Variants in CDH19 observed in about 807,000 individuals in gnomAD.
CDH19 encodes cadherin-19.
A neutral mutation model predicts 64.2 loss-of-function variants in CDH19; 67 were observed. That is an observed-to-expected ratio of 1.04 (90% CI 0.86 to 1.28). The LOEUF (loss-of-function observed/expected upper bound fraction) is 1.28. Ranked by LOEUF, CDH19 falls within the 50% of genes most tolerant of loss-of-function variation. The probability of loss-of-function intolerance (pLI) is 0.00; values close to 1 mark genes in which losing one functional copy is unlikely to be tolerated. For missense variants in CDH19, 1,030 were observed against 929.0 expected (o/e 1.11, Z -1.41); for synonymous variants, 346 against 319.3 (o/e 1.08, Z -0.89).
intron 9 of CDH19, among the ~76,000 whole-genome samples, chr18:66,525,509 A>G (rs993850536): frequency 6.6e-6 from 1 of 152,114 alleles, no homozygotes; most frequent in Non-Finnish European, 1.5e-5. Flanking sequence ...TGTATTAACA[A>G]AAACCTACCC....
intron 1 of CDH19, among the ~76,000 whole-genome samples, chr18:66,574,214 T>A (rs1200472965): frequency 1.3e-5 from 2 of 151,638 alleles, no homozygotes; most frequent in Non-Finnish European, 3.0e-5. Context: ...ATCACTGTTG[T>A]GTGATTCAGT....
intron 5 of CDH19, among the ~76,000 whole-genome samples, chr18:66,548,645 T>C (rs939697301): frequency 5.9e-5 from 9 of 152,272 alleles, no homozygotes; most frequent in African/African-American, 2.2e-4. Flanking sequence ...TGACACTGCA[T>C]TCCACTTAGG....
chr18:66,522,695 A>G (rs1381360794), intron 9 of CDH19, among the ~76,000 whole-genome samples: 3 of 151,116 alleles, frequency 2.0e-5, no homozygotes, highest in Admixed American at 2.0e-4. Flanking sequence ...TTACTTTTTA[A>G]TATGTTTCAT....
chr18:66,523,488 C>A (rs1226854448), intron 9 of CDH19, among the ~76,000 whole-genome samples: 1 of 152,024 alleles, frequency 6.6e-6, no homozygotes, highest in Non-Finnish European at 1.5e-5. Context: ...CACATTCTAA[C>A]CCACATTCTT....
At position 66,572,064 on chromosome 18, in the gene CDH19, C is replaced by G. The variant is rs149175877; in HGVS notation, c.141G>C (p.Trp47Cys). ...TTTCCTCTGGTACAAAAAATTGGTTCCACACCCAGCCACGCTTCACTCTCA... is the reference window on the plus strand; with the variant it reads ...TTTCCTCTGGTACAAAAAATTGGTTGCACACCCAGCCACGCTTCACTCTCA... The part of the protein sequence containing the change: ...SHLRVKRGWV[W>C]NQFFVPEEMN... Residue 47 changes from tryptophan to cysteine, a missense_variant, in exon 2 of 12, where the codon TGG becomes TGC. Physicochemically the swap from Trp to Cys is radical, Grantham distance 215. Transcript: ENST00000262150. 5.8e-4 allele frequency: 928 copies of G among 1,611,398 alleles called. No individual in the cohort carries two copies. Among genetic ancestry groups the G allele is most frequent in the Admixed American group, 7.4e-4 (44 of 59,696 alleles).
At chr18:66,572,429 C>T in intron 1 of CDH19, 113 bp from the exon 2 acceptor site, 1 of 359,204 alleles carries the variant, frequency 2.8e-6, no homozygotes, top group Non-Finnish European at 5.0e-6. Context: ...TAAAAATAAA[C>T]ATTTAATTTA....
chr18:66,521,521 TA>T, intron 9 of CDH19, among the ~76,000 whole-genome samples: 1 of 76,808 alleles, frequency 1.3e-5, no homozygotes, highest in Non-Finnish European at 2.9e-5. Flanking sequence ...TTTATTTATT[TA>T]TTTTGTTTGT....
intron 8 of CDH19, among the ~76,000 whole-genome samples, chr18:66,530,609 G>A (rs968846388): frequency 6.6e-5 from 10 of 151,746 alleles, no homozygotes; most frequent in African/African-American, 2.2e-4. Flanking sequence ...AAAACATAAT[G>A]AGAGAAAATT....
chr18:66,509,252 AC>A lies in CDH19; in HGVS notation c.1577-7del. The A allele has an allele frequency of 1.2e-6, 2 of 1,610,444 alleles. No individual in the cohort carries two copies. The highest frequency in any genetic ancestry group is 1.7e-6 in the Non-Finnish European group (2 of 1,177,888). ...CAAAATGACAGCTGTGTTATCTAAA[AC>A]AAAAATCCATGTGCATAATTTTTTC... On this transcript the variant is annotated splice_region_variant and splice_polypyrimidine_tract_variant and intron_variant, in intron 10 of 11. Coordinates refer to ENST00000262150, the MANE Select transcript of CDH19 (RefSeq NM_021153.4).
Position 66,589,401 on chromosome 18 carries a change from T to A in CDH19, c.-113+14553A>T, listed in dbSNP as rs182324164. On this transcript the variant is annotated intron_variant, in intron 1 of 11. Coordinates refer to ENST00000262150, the MANE Select transcript of CDH19 (RefSeq NM_021153.4). ...TTCTTATGCTTTCATTAAGAAGATATAGTTTCACTTTGCACTTGTTGAAAC... is the reference window on the plus strand; with the variant it reads ...TTCTTATGCTTTCATTAAGAAGATAAAGTTTCACTTTGCACTTGTTGAAAC... 3.4e-3 allele frequency among the ~76,000 whole-genome samples: 524 copies of A among 151,994 alleles called. 5 individuals are homozygous for A. Among genetic ancestry groups the A allele is most frequent in the African/African-American group, 0.012 (490 of 41,542 alleles).
At chr18:66,529,566 GTAAT>G (rs35243564) in intron 9 of CDH19, among the ~76,000 whole-genome samples, 47,272 of 148,326 alleles carry the variant, frequency 0.32, 8,793 homozygotes, top group South Asian at 0.48. Flanking sequence ...ATAAAAGCAT[GTAAT>G]TAATATAAAT....
intron 2 of CDH19, among the ~76,000 whole-genome samples, chr18:66,570,585 T>C (rs1988069953): frequency 6.6e-6 from 1 of 151,450 alleles, no homozygotes; most frequent in Non-Finnish European, 1.5e-5. Flanking sequence ...AAATTGTATA[T>C]TTACTAACTC....
intron 8 of CDH19, among the ~76,000 whole-genome samples, chr18:66,534,176 G>A (rs1021299014): frequency 2.0e-5 from 3 of 151,882 alleles, no homozygotes; most frequent in Admixed American, 1.3e-4. Context: ...TTTCTGACAC[G>A]AGAAGCCTTG....
chr18:66,504,645 G>T lies in CDH19; in HGVS notation c.*167C>A. On this transcript the variant is annotated 3_prime_UTR_variant, in exon 12 of 12. Transcript: ENST00000262150. ...CTCCCCACATCTCTGTTCAATGACA[G>T]CATGTAGGTAGCTTAAAATAACCAT... The T allele has an allele frequency of 8.7e-6, 5 of 576,070 alleles. No individual in the cohort carries two copies. Among genetic ancestry groups the T allele is most frequent in the Non-Finnish European group, 1.2e-5 (4 of 339,720 alleles). The allele number at this position is 576,070 out of a possible 1,614,324, so 35.7% of individuals were successfully genotyped here.
At chr18:66,591,597 T>C (rs6566217) in intron 1 of CDH19, among the ~76,000 whole-genome samples, 4,136 of 152,028 alleles carry the variant, frequency 0.027, 205 homozygotes, top group African/African-American at 0.094. Flanking sequence ...AGAGTTTAGA[T>C]AGAATTTTAA....
intron 3 of CDH19, among the ~76,000 whole-genome samples, chr18:66,556,216 C>T (rs1987513666): frequency 1.3e-5 from 2 of 151,430 alleles, no homozygotes; most frequent in South Asian, 4.1e-4. Context: ...AACATGATTA[C>T]TATAGTAAAG....
intron 9 of CDH19, among the ~76,000 whole-genome samples, chr18:66,511,915 T>C (rs1985511867): frequency 6.6e-6 from 1 of 151,618 alleles, no homozygotes. Context: ...AACAAACTCT[T>C]GTTGATGGAT....
chr18:66,514,936 T>C (rs1372830110), intron 9 of CDH19, among the ~76,000 whole-genome samples: 1 of 151,654 alleles, frequency 6.6e-6, no homozygotes, highest in Admixed American at 6.6e-5. Flanking sequence ...TGTGTCTGTT[T>C]CCTTACCTTC....
intron 1 of CDH19, among the ~76,000 whole-genome samples, chr18:66,594,037 G>A (rs953025237): frequency 1.2e-4 from 18 of 152,042 alleles, no homozygotes; most frequent in African/African-American, 4.3e-4. Context: ...TCTGTTTCAT[G>A]TACAATGACA....
Sources: allele counts gnomAD v4.1 joint callset (sites outside exome capture counted in the v4.1 genomes callset), GRCh38; gene constraint gnomAD v4.1.1; transcripts MANE v1.5; gene names NCBI Gene and HGNC (gene_info 2026-07-23, HGNC 2026-07-21).